The following RCC1 variants were observed in gnomAD, a reference collection of about 807,000 sequenced individuals.
The protein encoded by RCC1 is regulator of chromosome condensation 1, also known as regulator of chromosome condensation.
A neutral mutation model predicts 44.4 loss-of-function variants in RCC1; 11 were observed. The ratio of observed to expected loss-of-function variants is 0.25; its 90% confidence interval spans 0.16 to 0.41. The LOEUF (loss-of-function observed/expected upper bound fraction) is 0.41, where lower values mean the gene tolerates loss of function less well. Among genes scored for constraint, RCC1 ranks in the 10% least tolerant of loss-of-function variants. The probability of loss-of-function intolerance (pLI) is 1.00; values close to 1 mark genes in which losing one functional copy is unlikely to be tolerated. For synonymous variants in RCC1, 213 were observed against 216.5 expected (o/e 0.98, Z 0.14); for missense variants, 386 against 547.1 (o/e 0.71, Z 2.94).
At chr1:28,529,818 G>C (rs773841319) in intron 4 of RCC1, 40 bp from the exon 5 acceptor site, 1 of 1,505,268 alleles carries the variant, frequency 6.6e-7, no homozygotes, top group Non-Finnish European at 9.2e-7. Flanking sequence ...CCAGGAAAAT[G>C]TTTGCCATTT....
At chr1:28,522,237 A>G (rs1189688103) in intron 4 of RCC1, among the ~76,000 whole-genome samples, 82 of 152,202 alleles carry the variant, frequency 5.4e-4, no homozygotes, top group Non-Finnish European at 2.9e-5. Context: ...ATGTTCTTCC[A>G]GTGGGATAAG....
rs1664568693 is a variant in RCC1 at position 28,536,590 on chromosome 1, C to T, written c.938-157C>T. 6.6e-6 allele frequency among the ~76,000 whole-genome samples: 1 copy of T among 152,170 alleles called. No homozygotes were observed. Among genetic ancestry groups the T allele is most frequent in the Admixed American group, 6.5e-5 (1 of 15,274 alleles). ...GGGGGCCCATGTAGATTCTCCTAGGCCTCCTCCAAAACTGGGAAGAGACAC... is the reference window on the plus strand; with the variant it reads ...GGGGGCCCATGTAGATTCTCCTAGGTCTCCTCCAAAACTGGGAAGAGACAC... On this transcript the variant is annotated intron_variant, in intron 11 of 12. Transcript: ENST00000683442. This position sits in a 1 kb window ranked among gnomAD's most constrained non-coding sequence, Gnocchi z 4.9.
Position 28,517,010 on chromosome 1 carries a change from A to C in RCC1, c.-10+143A>C, listed in dbSNP as rs1662935092. 3 of 386,202 alleles carry C rather than the reference A, an allele frequency of 7.8e-6. No homozygotes were observed. In the East Asian group the frequency reaches 2.3e-4, roughly 30 times the overall value. The allele number at this position is 386,202 out of a possible 1,614,324, so 23.9% of individuals were successfully genotyped here. Reference sequence around the variant, plus strand: ...GTGGCAGGCACCTGTAATCCCAGCTATTTGGGAGGCTGAGGCAGGAGAATC... The same window carrying C: ...GTGGCAGGCACCTGTAATCCCAGCTCTTTGGGAGGCTGAGGCAGGAGAATC... On this transcript the variant is annotated intron_variant, in intron 4 of 12. Transcript: ENST00000683442.
chr1:28,529,697 C>T lies in RCC1; in HGVS notation c.-9-161C>T, dbSNP rs765166460. Among the ~76,000 whole-genome samples the T allele has an allele frequency of 3.3e-5, 5 of 152,052 alleles. No homozygotes were observed. The South Asian group carries it at 8.3e-4, about 25-fold the overall frequency. Reference sequence around the variant, plus strand: ...AGTAGAGAATATTTGTGTAATTAATCTGTGGGTGCATCCATTATTCTGTTC... The same window carrying T: ...AGTAGAGAATATTTGTGTAATTAATTTGTGGGTGCATCCATTATTCTGTTC... On this transcript the variant is annotated intron_variant, in intron 4 of 12. Transcript: ENST00000683442.
chr1:28,513,181 C>G (rs758215667), intron 3 of RCC1, among the ~76,000 whole-genome samples: 9 of 151,818 alleles, frequency 5.9e-5, no homozygotes, highest in African/African-American at 1.5e-4. Flanking sequence ...GAATTACAGT[C>G]ACGCACCACC....
In RCC1 at chr1:28,511,640, T is replaced by A. The variant is rs1161656932; in HGVS notation, c.-153+2735T>A. ...CACCTCGGCCTCCCAAAGTGCTGGG[T>A]TTACAGGCGTCAGCCACCATGCCCA... On this transcript the variant is annotated intron_variant, in intron 3 of 12. Coordinates refer to ENST00000683442, the MANE Select transcript of RCC1 (RefSeq NM_001381865.2). Among the ~76,000 whole-genome samples, 4 of 150,968 alleles carry A rather than the reference T, an allele frequency of 2.6e-5. No individual in the cohort carries two copies. The East Asian group carries it at 7.8e-4, about 29-fold the overall frequency.
chr1:28,537,686 A>G (rs1255156776), intron 12 of RCC1, 146 bp from the exon 13 acceptor site: 2 of 755,256 alleles, frequency 2.6e-6, no homozygotes, highest in African/African-American at 3.6e-5. Flanking sequence ...GGTTCTCCCA[A>G]CTTCCCTGAA....
intron 1 of RCC1, chr1:28,506,461 A>T (rs1315946599): frequency 6.1e-6 from 2 of 326,330 alleles, no homozygotes; most frequent in Non-Finnish European, 1.2e-5. Flanking sequence ...CTGGGATTAC[A>T]GGCGTGAGCC....
chr1:28,519,874 A>ATTT (rs79483058), intron 4 of RCC1, among the ~76,000 whole-genome samples: 1 of 140,842 alleles, frequency 7.1e-6, no homozygotes, highest in Non-Finnish European at 1.6e-5. Flanking sequence ...CACCCGGCCA[A>ATTT]TTTTTTTTTT....
At chr1:28,526,627 G>A (rs1420610588) in intron 4 of RCC1, 1 of 501,868 alleles carries the variant, frequency 2.0e-6, no homozygotes, top group African/African-American at 1.9e-5. Context: ...TGGGCGCGGT[G>A]GCTCACACCT....
At chr1:28,510,420 T>G (rs1469440206) in intron 3 of RCC1, 2 of 152,100 alleles carry the variant, frequency 1.3e-5, no homozygotes, top group East Asian at 3.9e-4. Context: ...GATCACAACA[T>G]CTAGAGATCC....
intron 3 of RCC1, chr1:28,509,581 A>G (rs1662341530): frequency 6.6e-6 from 1 of 152,276 alleles, no homozygotes; most frequent in African/African-American, 2.4e-5. Flanking sequence ...TACCTAACAA[A>G]TTGCCTAATC....
At position 28,536,941 on chromosome 1, in the gene RCC1, G is replaced by A. The variant is rs1664593044; in HGVS notation, c.1090+42G>A. On this transcript the variant is annotated intron_variant, in intron 12 of 12. Transcript: ENST00000683442. This position sits in a 1 kb window ranked among gnomAD's most constrained non-coding sequence, Gnocchi z 4.9. ...ACACTCTGTCTAGTTGGGACCTGGG[G>A]GTCATGGTTCTTACCCAATTCCCCA... 2 of 1,609,564 alleles carry A rather than the reference G, an allele frequency of 1.2e-6. No homozygotes were observed. The highest frequency in any genetic ancestry group is 4.5e-5 in the East Asian group (2 of 44,766).
intron 4 of RCC1, chr1:28,526,427 C>G: frequency 2.1e-6 from 1 of 470,118 alleles, no homozygotes; most frequent in Non-Finnish European, 4.1e-6. Context: ...TTAAATCTGA[C>G]AAGGGTGCGA....
chr1:28,508,055 C>T (rs897480674), intron 1 of RCC1, 73 bp from the exon 2 acceptor site: 3 of 404,100 alleles, frequency 7.4e-6, no homozygotes, highest in Non-Finnish European at 1.5e-5. Context: ...CAACCCCAGG[C>T]GATAGCATGA....
chr1:28,507,664 G>A (rs574368308), intron 1 of RCC1: 34 of 399,280 alleles, frequency 8.5e-5, no homozygotes, highest in African/African-American at 2.2e-4. Flanking sequence ...GTGCAGTGGC[G>A]CACTCCATTG....
chr1:28,527,048 T>C (rs980958744), intron 4 of RCC1: 2 of 821,456 alleles, frequency 2.4e-6, no homozygotes, highest in Admixed American at 1.7e-5. Flanking sequence ...ATCAGGTGCA[T>C]GGTATGAGGA....
intron 12 of RCC1, among the ~76,000 whole-genome samples, chr1:28,537,352 C>T (rs1054329396): frequency 6.6e-6 from 1 of 152,116 alleles, no homozygotes; most frequent in Admixed American, 6.6e-5. Flanking sequence ...GAACAAGTGA[C>T]CACCAAAGCC....
intron 4 of RCC1, among the ~76,000 whole-genome samples, chr1:28,525,188 T>A (rs1450446099): frequency 2.6e-5 from 4 of 152,136 alleles, no homozygotes; most frequent in Non-Finnish European, 1.5e-5. Context: ...ACAGGGATTT[T>A]CACAGTGCTT....
Sources: allele counts gnomAD v4.1 joint callset (sites outside exome capture counted in the v4.1 genomes callset), GRCh38; gene constraint gnomAD v4.1.1; non-coding constraint Gnocchi (gnomAD v3.1); transcripts MANE v1.5; gene names NCBI Gene and HGNC (gene_info 2026-07-23, HGNC 2026-07-21).